The following INPP5A variants were observed in gnomAD, a reference collection of about 807,000 sequenced individuals.
INPP5A encodes the protein inositol polyphosphate-5-phosphatase A.
A neutral mutation model predicts 65.2 loss-of-function variants in INPP5A; 14 were observed. The observed-to-expected ratio is 0.21, with a 90% CI of 0.14 to 0.34. The LOEUF is 0.34. Among genes scored for constraint, INPP5A ranks in the 10% least tolerant of loss-of-function variants. The pLI, the probability that INPP5A is intolerant of heterozygous loss-of-function variation, is 1.00. For synonymous variants in INPP5A, 207 were observed against 208.3 expected (o/e 0.99, Z 0.05); for missense variants, 431 against 545.6 (o/e 0.79, Z 2.09).
chr10:132,759,854 T>C (rs1246876334), intron 11 of INPP5A, among the ~76,000 whole-genome samples: 1 of 152,096 alleles, frequency 6.6e-6, no homozygotes, highest in Non-Finnish European at 1.5e-5. Flanking sequence ...CTGGGCCTGT[T>C]CTCCCTCTTC....
At chr10:132,725,564 T>G (rs1365346535) in intron 8 of INPP5A, among the ~76,000 whole-genome samples, 1 of 152,222 alleles carries the variant, frequency 6.6e-6, no homozygotes, top group African/African-American at 2.4e-5. Flanking sequence ...AGTGATTGGT[T>G]GGGCCCCCTG....
Position 132,765,892 on chromosome 10 carries a change from C to T in INPP5A, c.977+46C>T, listed in dbSNP as rs116379367. 701 of 1,092,378 alleles carry T rather than the reference C, an allele frequency of 6.4e-4. 7 individuals are homozygous for T. The African/African-American group carries it at 8.5e-3, about 13-fold the overall frequency. The allele number at this position is 1,092,378 out of a possible 1,614,324, so 67.7% of individuals were successfully genotyped here. A position where few individuals can be genotyped will look rare whatever the true frequency, so the allele number is the denominator to read the frequency against. ...TGGATGAACCCGGCCGGGAAGGTGG[C>T]GTCTCCACCCTCCCAGTCTCTGGTG... On this transcript the variant is annotated intron_variant, in intron 12 of 15. Coordinates refer to ENST00000368594, the MANE Select transcript of INPP5A (RefSeq NM_005539.5).
intron 2 of INPP5A, among the ~76,000 whole-genome samples, chr10:132,625,570 C>T (rs534950199): frequency 1.3e-5 from 2 of 152,234 alleles, no homozygotes; most frequent in South Asian, 2.1e-4. Context: ...TCAGACTGGC[C>T]GGCAGCTGGC....
intron 4 of INPP5A, among the ~76,000 whole-genome samples, chr10:132,677,154 G>T: frequency 6.6e-6 from 1 of 152,102 alleles, no homozygotes; most frequent in Admixed American, 6.5e-5. Context: ...AGTCACCTTT[G>T]ATGCCTCCCT....
At chr10:132,710,852 G>A (rs966093285) in intron 8 of INPP5A, among the ~76,000 whole-genome samples, 1 of 148,080 alleles carries the variant, frequency 6.8e-6, no homozygotes, top group Non-Finnish European at 1.5e-5. Flanking sequence ...GGAGAGGTAG[G>A]TGTGGGCGGG....
intron 1 of INPP5A, among the ~76,000 whole-genome samples, chr10:132,543,696 G>C (rs1166421693): frequency 6.6e-6 from 1 of 152,262 alleles, no homozygotes. Context: ...GGGCTTACAG[G>C]CATGAGCCAC....
rs1289907553 is a variant in INPP5A, at chr10:132,703,536, CAT to C, written c.475-4775_475-4774del. On this transcript the variant is annotated intron_variant, in intron 6 of 15. Transcript: ENST00000368594. Reference sequence around the variant, plus strand: ...ACACACACACACACTCACATTTACCCATACACACACGTGGCTTCACCCACACA... The same window carrying C: ...ACACACACACACACTCACATTTACCCACACACACGTGGCTTCACCCACACA... 9.4e-4 allele frequency among the ~76,000 whole-genome samples: 139 copies of C among 148,448 alleles called. 2 individuals are homozygous for C. The highest frequency in any genetic ancestry group is 3.4e-3 in the African/African-American group (137 of 40,156).
chr10:132,631,955 C>T (rs1252657770), intron 2 of INPP5A, among the ~76,000 whole-genome samples: 1 of 152,180 alleles, frequency 6.6e-6, no homozygotes, highest in East Asian at 1.9e-4. Context: ...CCGATAGTTC[C>T]AAGGTCACGC....
chr10:132,697,777 G>A lies in INPP5A; in HGVS notation c.371-39G>A, dbSNP rs56379592. 26,271 of 1,402,976 alleles carry A rather than the reference G, an allele frequency of 0.019. 427 individuals are homozygous for A. Among genetic ancestry groups the A allele is most frequent in the East Asian group, 0.045 (1,951 of 43,614 alleles). The allele number at this position is 1,402,976 out of a possible 1,614,324, so 86.9% of individuals were successfully genotyped here. A position where few individuals can be genotyped will look rare whatever the true frequency, so the allele number is the denominator to read the frequency against. ...CTCCAGGCTGGTTGGATGGGGCACA[G>A]TGATGGGATAGTCACCTCGTCCTTC... On this transcript the variant is annotated intron_variant, in intron 5 of 15. Transcript: ENST00000368594. The surrounding 1 kb of genome is among the most constrained non-coding windows in gnomAD (Gnocchi z 5.6).
At chr10:132,658,644 C>G (rs533526071) in intron 4 of INPP5A, among the ~76,000 whole-genome samples, 1 of 152,184 alleles carries the variant, frequency 6.6e-6, no homozygotes, top group Non-Finnish European at 1.5e-5. Context: ...GCCGGCCCCC[C>G]GGGGGTGCTC....
chr10:132,626,507 C>T (rs1224862888), intron 2 of INPP5A, among the ~76,000 whole-genome samples: 5 of 152,180 alleles, frequency 3.3e-5, no homozygotes, highest in Admixed American at 6.5e-5. Flanking sequence ...CTTTGCCTTT[C>T]GGCTCCCTGA....
intron 4 of INPP5A, among the ~76,000 whole-genome samples, chr10:132,672,900 G>A (rs188811637): frequency 3.9e-5 from 6 of 152,274 alleles, no homozygotes; most frequent in East Asian, 1.9e-4. Flanking sequence ...TCAGCGGGTC[G>A]TGGTTTTTTT....
chr10:132,682,102 C>T (rs114740091), intron 4 of INPP5A, among the ~76,000 whole-genome samples: 66 of 152,056 alleles, frequency 4.3e-4, no homozygotes, highest in African/African-American at 1.4e-3. Flanking sequence ...GGAACAGTTT[C>T]AGCTGGGAAG....
At chr10:132,716,022 G>A (rs1303180046) in intron 8 of INPP5A, among the ~76,000 whole-genome samples, 5 of 152,240 alleles carry the variant, frequency 3.3e-5, no homozygotes, top group Non-Finnish European at 5.9e-5. Context: ...ACTGCTGCCC[G>A]GCAGGAGGGG....
chr10:132,604,921 C>G (rs188100157), intron 1 of INPP5A, among the ~76,000 whole-genome samples: 1 of 152,150 alleles, frequency 6.6e-6, no homozygotes, highest in African/African-American at 2.4e-5. Flanking sequence ...GCAGGTGGAG[C>G]GGAGGGCAGG....
Position 132,698,024 on chromosome 10 carries a change from C to A in INPP5A, c.474+105C>A. On this transcript the variant is annotated intron_variant, in intron 6 of 15. Coordinates refer to ENST00000368594, the MANE Select transcript of INPP5A (RefSeq NM_005539.5). The surrounding 1 kb of genome is among the most constrained non-coding windows in gnomAD (Gnocchi z 5.5). ...CGCATTGCACTGTTACTAGTCACAG[C>A]TGCCTGTTGTTACCTCCGATAATCT... 2.7e-6 allele frequency: 2 copies of A among 738,786 alleles called. No individual in the cohort carries two copies. The highest frequency in any genetic ancestry group is 4.8e-6 in the Non-Finnish European group (2 of 416,470). 45.8% of individuals were successfully genotyped at this position (738,786 alleles called of 1,614,324 possible). A position where few individuals can be genotyped will look rare whatever the true frequency, so the allele number is the denominator to read the frequency against.
intron 8 of INPP5A, among the ~76,000 whole-genome samples, chr10:132,718,087 T>G (rs1390549286): frequency 6.7e-6 from 1 of 150,130 alleles, no homozygotes; most frequent in Non-Finnish European, 1.5e-5. Flanking sequence ...TCTGGGTGCC[T>G]TAGACGGCCG....
At chr10:132,765,733 A>T in intron 11 of INPP5A, 40 bp from the exon 12 acceptor site, 2 of 1,329,384 alleles carry the variant, frequency 1.5e-6, no homozygotes, top group Non-Finnish European at 2.2e-6. Flanking sequence ...CAGCGAGGAA[A>T]ACCAATGTGA....
In INPP5A at chr10:132,627,951, C is replaced by T. The variant is rs748640823; in HGVS notation, c.118-17917C>T. 8.5e-5 allele frequency among the ~76,000 whole-genome samples: 13 copies of T among 152,064 alleles called. No individual in the cohort carries two copies. The highest frequency in any genetic ancestry group is 2.7e-4 in the African/African-American group (11 of 41,408). ...GGAGATAAGGGACGCGAATCTGACTCGGTGACTTTGTTGTTGATGTTGATG... is the reference window on the plus strand; with the variant it reads ...GGAGATAAGGGACGCGAATCTGACTTGGTGACTTTGTTGTTGATGTTGATG... On this transcript the variant is annotated intron_variant, in intron 2 of 15. Transcript: ENST00000368594. This position sits in a 1 kb window ranked among gnomAD's most constrained non-coding sequence, Gnocchi z 6.6.
Sources: allele counts gnomAD v4.1 joint callset (sites outside exome capture counted in the v4.1 genomes callset), GRCh38; gene constraint gnomAD v4.1.1; non-coding constraint Gnocchi (gnomAD v3.1); transcripts MANE v1.5; gene names NCBI Gene and HGNC (gene_info 2026-07-23, HGNC 2026-07-21).